The following GLP1R variants were observed in gnomAD, a reference collection of about 807,000 sequenced individuals.
GLP1R encodes the protein glucagon-like peptide 1 receptor.
Under a neutral mutation model 68.4 loss-of-function variants are expected in GLP1R, and 32 were observed. That is an observed-to-expected ratio of 0.47 (90% CI 0.35 to 0.63). GLP1R has a LOEUF of 0.63. Among genes scored for constraint, GLP1R ranks in the 20% least tolerant of loss-of-function variants. The pLI, the probability that GLP1R is intolerant of heterozygous loss-of-function variation, is 0.00. For missense variants in GLP1R, 502 were observed against 594.9 expected, an observed-to-expected ratio of 0.84 and a Z score of 1.62; for synonymous variants, 263 against 244.4, an observed-to-expected ratio of 1.08 and a Z score of -0.71.
In GLP1R at chr6:39,049,601, C is replaced by T. The variant is rs1000657531; in HGVS notation, c.78+683C>T. ...CAGTGCCCCCCTGGAAGCAGCCAGG[C>T]GCCCCCACTCACCCACTCTGCTGAC... On this transcript the variant is annotated intron_variant, in intron 1 of 12. Coordinates refer to ENST00000373256, the MANE Select transcript of GLP1R (RefSeq NM_002062.5). This position sits in a 1 kb window ranked among gnomAD's most constrained non-coding sequence, Gnocchi z 4.5. 6.6e-6 allele frequency among the ~76,000 whole-genome samples: 1 copy of T among 152,150 alleles called. No individual in the cohort carries two copies. The highest frequency in any genetic ancestry group is 1.5e-5 in the Non-Finnish European group (1 of 68,030).
At chr6:39,055,047 C>T (rs1430370302) in intron 1 of GLP1R, among the ~76,000 whole-genome samples, 1 of 152,186 alleles carries the variant, frequency 6.6e-6, no homozygotes, top group Non-Finnish European at 1.5e-5. Context: ...CGCCTTGGCA[C>T]ACTTATGCCA....
rs776194642 is a variant in GLP1R at position 39,066,211 on chromosome 6, G to T, written c.417G>T (p.Glu139Asp). ...SKRGERSSPE[E>D]QLLFLYIIYT... ...GTGTGCCACAGAGCTCCCCGGAGGA[G>T]CAGCTCCTGTTCCTCTACATCATCT... The change falls in exon 5 of 13, where the codon GAG becomes GAT. Residue 139 changes from glutamate (E) to aspartate (D), a missense_variant. Coordinates refer to ENST00000373256, the MANE Select transcript of GLP1R (RefSeq NM_002062.5). 6.2e-7 allele frequency: 1 copy of T among 1,600,532 alleles called. No homozygotes were observed. Among genetic ancestry groups the T allele is most frequent in the African/African-American group, 1.3e-5 (1 of 74,718 alleles).
intron 5 of GLP1R, among the ~76,000 whole-genome samples, chr6:39,066,537 C>T (rs9296279): frequency 6.6e-6 from 1 of 151,832 alleles, no homozygotes; most frequent in Admixed American, 6.6e-5. Context: ...CAAAAAAGAA[C>T]AAAAATACCA....
In GLP1R at chr6:39,087,911, C is replaced by T. The variant is rs973765654; in HGVS notation, c.*1838C>T. On this transcript the variant is annotated 3_prime_UTR_variant, in exon 13 of 13. Transcript: ENST00000373256. The stretch of plus-strand genomic sequence containing the variant: ...AGGCACCCCTTATTTGCTGTCTCTT[C>T]GTAAGCGTGGGCACCAGTGGGTTGA... Among the ~76,000 whole-genome samples the T allele has an allele frequency of 6.6e-6, 1 of 152,180 alleles. No individual in the cohort carries two copies. Among genetic ancestry groups the T allele is most frequent in the South Asian group, 2.1e-4 (1 of 4,812 alleles).
intron 8 of GLP1R, 129 bp from the exon 9 acceptor site, chr6:39,078,828 G>T: frequency 1.3e-6 from 1 of 784,768 alleles, no homozygotes; most frequent in Non-Finnish European, 2.2e-6. Flanking sequence ...TGGTTTTTGG[G>T]TGGCTCCTGG....
intron 12 of GLP1R, among the ~76,000 whole-genome samples, chr6:39,084,913 G>C (rs1769106843): frequency 1.3e-5 from 2 of 152,184 alleles, no homozygotes; most frequent in South Asian, 4.1e-4. Flanking sequence ...CTGGCATCTG[G>C]CTGTCTTGGT....
In GLP1R at chr6:39,073,803, G is replaced by A. The variant is rs745714853; in HGVS notation, c.823+34G>A. 6.6e-5 allele frequency: 106 copies of A among 1,603,076 alleles called. 3 individuals carry two copies. The South Asian group carries it at 1.1e-3, about 17-fold the overall frequency. On this transcript the variant is annotated intron_variant, in intron 7 of 12. Coordinates refer to ENST00000373256, the MANE Select transcript of GLP1R (RefSeq NM_002062.5). ...CGCCATCACCCACCCTGGACCTGTG[G>A]CACGGGGGTGGGAGACCTTGACCCC...
intron 12 of GLP1R, 77 bp from the exon 13 acceptor site, chr6:39,085,829 C>G: frequency 2.2e-6 from 3 of 1,358,572 alleles, no homozygotes; most frequent in Non-Finnish European, 3.1e-6. Flanking sequence ...CCCTTCCCCA[C>G]TAATGTAATA....
At position 39,079,727 on chromosome 6, in the gene GLP1R, G is replaced by T; in HGVS notation, c.1182+25G>T. The T allele has an allele frequency of 6.2e-7, 1 of 1,604,196 alleles. No individual in the cohort carries two copies. Reference sequence around the variant, plus strand: ...GGTGACTTCATGCTTGGGGACACTTGCTTGTAAAGTCCTAGAGTGGGGGTG... The same window carrying T: ...GGTGACTTCATGCTTGGGGACACTTTCTTGTAAAGTCCTAGAGTGGGGGTG... On this transcript the variant is annotated intron_variant, in intron 11 of 12. Coordinates refer to ENST00000373256, the MANE Select transcript of GLP1R (RefSeq NM_002062.5). The surrounding 1 kb of genome is among the most constrained non-coding windows in gnomAD (Gnocchi z 4.5).
chr6:39,049,531 A>AC lies in GLP1R; in HGVS notation c.78+619dup, dbSNP rs1181049016. On this transcript the variant is annotated intron_variant, in intron 1 of 12. Transcript: ENST00000373256. This position sits in a 1 kb window ranked among gnomAD's most constrained non-coding sequence, Gnocchi z 4.5. ...CCCAGTGACCTCCCAGATGGAACCT[A>AC]CCCCCCGTCCCCTACCAGCCTCTGT... 6.6e-6 allele frequency among the ~76,000 whole-genome samples: 1 copy of AC among 150,480 alleles called. No homozygotes were observed. Among genetic ancestry groups the AC allele is most frequent in the South Asian group, 2.1e-4 (1 of 4,734 alleles).
At chr6:39,053,824 T>C (rs2268656) in intron 1 of GLP1R, among the ~76,000 whole-genome samples, 3,373 of 152,216 alleles carry the variant, frequency 0.022, 161 homozygotes, top group East Asian at 0.19. Context: ...TGGGTGGCCC[T>C]AGCCTCATTT....
chr6:39,053,874 A>G (rs927202887), intron 1 of GLP1R, among the ~76,000 whole-genome samples: 3 of 151,994 alleles, frequency 2.0e-5, no homozygotes, highest in Non-Finnish European at 4.4e-5. Context: ...CATCTGTCCC[A>G]GGGCCCACCA....
At chr6:39,054,494 G>A (rs773048961) in intron 1 of GLP1R, among the ~76,000 whole-genome samples, 17 of 152,138 alleles carry the variant, frequency 1.1e-4, no homozygotes, top group Admixed American at 9.2e-4. Context: ...GGGAGACACA[G>A]CCCCGTCCTC....
At chr6:39,058,896 G>A (rs532272378) in intron 3 of GLP1R, among the ~76,000 whole-genome samples, 3 of 152,330 alleles carry the variant, frequency 2.0e-5, no homozygotes, top group South Asian at 4.1e-4. Flanking sequence ...ACCTTGAAGG[G>A]GCTGGAGCCC....
At position 39,049,052 on chromosome 6, in the gene GLP1R, G is replaced by T. The variant is rs1021820009; in HGVS notation, c.78+134G>T. The stretch of plus-strand genomic sequence containing the variant: ...CTGGCGGGGGCATCCGAAAGCCTCG[G>T]GGGGAGTAGGGACTGGAGACTTGGT... On this transcript the variant is annotated intron_variant, in intron 1 of 12. Coordinates refer to ENST00000373256, the MANE Select transcript of GLP1R (RefSeq NM_002062.5). The surrounding 1 kb of genome is among the most constrained non-coding windows in gnomAD (Gnocchi z 4.5). 4.1e-6 allele frequency: 2 copies of T among 484,576 alleles called. No individual in the cohort carries two copies. The highest frequency in any genetic ancestry group is 7.2e-6 in the Non-Finnish European group (2 of 277,172). The allele number at this position is 484,576 out of a possible 1,614,324, so 30.0% of individuals were successfully genotyped here.
intron 5 of GLP1R, among the ~76,000 whole-genome samples, chr6:39,071,339 C>G (rs1207037237): frequency 1.3e-5 from 1 of 78,900 alleles, no homozygotes; most frequent in East Asian, 3.3e-4. Context: ...GAGCAAGATT[C>G]CATCTCAAAA....
rs1306196837 is a variant in GLP1R, at chr6:39,079,877, T to C, written c.1182+175T>C. On this transcript the variant is annotated intron_variant, in intron 11 of 12. Coordinates refer to ENST00000373256, the MANE Select transcript of GLP1R (RefSeq NM_002062.5). The surrounding 1 kb of genome is among the most constrained non-coding windows in gnomAD (Gnocchi z 4.5). ...GAACTAGTATCCCCAGGTGTCCCAA[T>C]ACCTGGGCCAGTCTTCTCTGTAAGC... 1.3e-5 allele frequency among the ~76,000 whole-genome samples: 2 copies of C among 152,172 alleles called. No individual in the cohort carries two copies. The highest frequency in any genetic ancestry group is 2.4e-5 in the African/African-American group (1 of 41,452).
intron 1 of GLP1R, among the ~76,000 whole-genome samples, chr6:39,055,834 G>T (rs955157447): frequency 6.6e-6 from 1 of 152,062 alleles, no homozygotes; most frequent in Admixed American, 6.6e-5. Flanking sequence ...TACTCTCCCC[G>T]GCCCCCGCAC....
At chr6:39,067,550 G>T (rs1768550036) in intron 5 of GLP1R, among the ~76,000 whole-genome samples, 1 of 152,182 alleles carries the variant, frequency 6.6e-6, no homozygotes, top group African/African-American at 2.4e-5. Context: ...TGAGGGCAGA[G>T]CCTTCATCAA....
Sources: allele counts gnomAD v4.1 joint callset (sites outside exome capture counted in the v4.1 genomes callset), GRCh38; gene constraint gnomAD v4.1.1; non-coding constraint Gnocchi (gnomAD v3.1); transcripts MANE v1.5; gene names NCBI Gene and HGNC (gene_info 2026-07-23, HGNC 2026-07-21).